SUCLG2: variants seen among roughly 807,000 people sequenced by gnomAD.
SUCLG2 encodes succinate--CoA ligase [GDP-forming] subunit beta, mitochondrial.
In SUCLG2, 42 loss-of-function variants were observed where a neutral mutation model predicts 47.9. That is an observed-to-expected ratio of 0.88 (90% confidence interval 0.69 to 1.14). The LOEUF is 1.14. Among genes scored for constraint, SUCLG2 ranks in the 50% most tolerant of loss-of-function variants. The pLI is 0.00. For missense variants in SUCLG2, 571 were observed against 525.9 expected (o/e 1.09, Z -0.84); for synonymous variants, 195 against 197.3 (o/e 0.99, Z 0.10).
chr3:67,416,550 T>C (rs2106848353), intron 9 of SUCLG2, among the ~76,000 whole-genome samples: 1 of 152,362 alleles, frequency 6.6e-6, no homozygotes, highest in African/African-American at 2.4e-5. Flanking sequence ...GGTATCCTAT[T>C]AGAATCTTAT....
At chr3:67,388,513 C>T (rs1022925071) in intron 10 of SUCLG2, among the ~76,000 whole-genome samples, 1 of 152,132 alleles carries the variant, frequency 6.6e-6, no homozygotes, top group Non-Finnish European at 1.5e-5. Flanking sequence ...AAGACCTATC[C>T]CAACATTGTA....
chr3:67,432,941 T>C (rs933186650), intron 9 of SUCLG2, among the ~76,000 whole-genome samples: 3 of 152,222 alleles, frequency 2.0e-5, no homozygotes, highest in South Asian at 2.1e-4. Context: ...TTTTATTGGA[T>C]TGAATTAAAT....
intron 10 of SUCLG2, among the ~76,000 whole-genome samples, chr3:67,395,791 A>T (rs930998410): frequency 3.8e-4 from 58 of 152,218 alleles, no homozygotes; most frequent in South Asian, 2.3e-3. Flanking sequence ...CCTCAGCTAA[A>T]GTAAAAGAAC....
intron 1 of SUCLG2, among the ~76,000 whole-genome samples, chr3:67,621,920 T>A (rs889443537): frequency 3.8e-4 from 58 of 152,176 alleles, no homozygotes; most frequent in African/African-American, 1.2e-3. Flanking sequence ...TTATTGACAT[T>A]TCTGCACATC....
intron 2 of SUCLG2, among the ~76,000 whole-genome samples, chr3:67,593,247 A>G (rs1474117247): frequency 2.2e-5 from 3 of 136,146 alleles, no homozygotes; most frequent in African/African-American, 9.1e-5. Context: ...GGATATTTGC[A>G]TATTCAATTG....
chr3:67,628,642 A>G (rs1211152104), intron 1 of SUCLG2, among the ~76,000 whole-genome samples: 1 of 152,108 alleles, frequency 6.6e-6, no homozygotes, highest in African/African-American at 2.4e-5. Context: ...TGTTTTCATG[A>G]TAGTAAGTCT....
rs1048864564 is a variant in SUCLG2, at chr3:67,652,489, A to C, written c.84+2014T>G. 7.9e-5 allele frequency among the ~76,000 whole-genome samples: 12 copies of C among 152,212 alleles called. 1 individual carries two copies. ...CAAGGGACTATGGAAACGTAATATC[A>C]AATCAGTGTACATGAAACAGATCAT... is the stretch of plus-strand genomic sequence containing the variant. On this transcript the variant is annotated intron_variant, in intron 1 of 10. Transcript: ENST00000307227.
chr3:67,463,378 A>G (rs1187173063), intron 9 of SUCLG2, among the ~76,000 whole-genome samples: 3 of 152,212 alleles, frequency 2.0e-5, no homozygotes, highest in Non-Finnish European at 4.4e-5. Context: ...ATTTCTCAGT[A>G]TGGCCCAAGG....
chr3:67,465,759 T>C (rs1704454478), intron 9 of SUCLG2, among the ~76,000 whole-genome samples: 1 of 152,164 alleles, frequency 6.6e-6, no homozygotes, highest in Non-Finnish European at 1.5e-5. Flanking sequence ...TCCTTGCACA[T>C]TTAATCTTGT....
intron 2 of SUCLG2, among the ~76,000 whole-genome samples, chr3:67,545,227 T>C (rs1317746240): frequency 2.0e-5 from 3 of 152,294 alleles, no homozygotes; most frequent in South Asian, 2.1e-4. Context: ...ATGCTAGAGA[T>C]ACAGAATTCC....
intron 1 of SUCLG2, among the ~76,000 whole-genome samples, chr3:67,638,731 G>T (rs576037140): frequency 1.3e-5 from 2 of 152,182 alleles, no homozygotes; most frequent in Admixed American, 6.5e-5. Context: ...CTGACAGGTG[G>T]GTGTTCAAAT....
intron 10 of SUCLG2, among the ~76,000 whole-genome samples, chr3:67,393,268 C>T (rs1212219472): frequency 6.6e-6 from 1 of 152,226 alleles, no homozygotes; most frequent in Non-Finnish European, 1.5e-5. Context: ...CTTTCCTAGT[C>T]AAAGAAAGGG....
intron 7 of SUCLG2, among the ~76,000 whole-genome samples, chr3:67,504,437 C>T (rs776970113): frequency 4.6e-5 from 7 of 152,216 alleles, no homozygotes; most frequent in Non-Finnish European, 7.3e-5. Context: ...AACTGTGGAT[C>T]ACCCAGCTTT....
At chr3:67,519,764 TTA>T (rs1706045389) in intron 5 of SUCLG2, among the ~76,000 whole-genome samples, 1 of 152,192 alleles carries the variant, frequency 6.6e-6, no homozygotes, top group Non-Finnish European at 1.5e-5. Flanking sequence ...TTCTGAAAAC[TTA>T]TGTTTTTCTC....
At chr3:67,593,721 A>T (rs948515550) in intron 2 of SUCLG2, among the ~76,000 whole-genome samples, 6 of 152,210 alleles carry the variant, frequency 3.9e-5, no homozygotes, top group Admixed American at 3.3e-4. Context: ...TTTAGCACTG[A>T]AAGTCCCATG....
In SUCLG2 at chr3:67,654,503, C is replaced by G; in HGVS notation, c.84G>C (p.Gln28His). The G allele has an allele frequency of 8.1e-7, 1 of 1,239,164 alleles. No homozygotes were observed. Among genetic ancestry groups the G allele is most frequent in the Non-Finnish European group, 1.0e-6 (1 of 990,310 alleles). The allele number at this position is 1,239,164 out of a possible 1,614,324, so 76.8% of individuals were successfully genotyped here. A position where few individuals can be genotyped will look rare whatever the true frequency, so the allele number is the denominator to read the frequency against. Reference sequence around the variant, plus strand: ...CCGCAGCTCCTGCCCCCACGCTCACCTGGGACCCGGCCGCCAGGAAGCGGG... The same window carrying G: ...CCGCAGCTCCTGCCCCCACGCTCACGTGGGACCCGGCCGCCAGGAAGCGGG... ...LRPRFLAAGS[Q>H]AVQLTSRRWL... Residue 28 changes from glutamine (Q) to histidine (H), a missense_variant and splice_region_variant, in exon 1 of 11, where the codon CAG (glutamine) becomes CAC (histidine). Coordinates refer to ENST00000307227, the MANE Select transcript of SUCLG2 (RefSeq NM_003848.4).
intron 9 of SUCLG2, among the ~76,000 whole-genome samples, chr3:67,466,377 T>C (rs565626051): frequency 1.3e-5 from 2 of 152,194 alleles, no homozygotes; most frequent in Non-Finnish European, 2.9e-5. Flanking sequence ...GCTGGTCATA[T>C]TTTTACATCC....
intron 2 of SUCLG2, among the ~76,000 whole-genome samples, chr3:67,540,148 T>G (rs1706662864): frequency 6.6e-6 from 1 of 151,736 alleles, no homozygotes; most frequent in Non-Finnish European, 1.5e-5. Flanking sequence ...ATTGTGATGT[T>G]AGGGTGTCGA....
chr3:67,542,048 T>C (rs1159240006), intron 2 of SUCLG2, among the ~76,000 whole-genome samples: 1 of 151,812 alleles, frequency 6.6e-6, no homozygotes, highest in African/African-American at 2.4e-5. Context: ...TAATTTTGTA[T>C]TTTTTAGTAG....
Sources: allele counts gnomAD v4.1 joint callset (sites outside exome capture counted in the v4.1 genomes callset), GRCh38; gene constraint gnomAD v4.1.1; transcripts MANE v1.5; gene names NCBI Gene and HGNC (gene_info 2026-07-23, HGNC 2026-07-21).